Variants in LDLRAD3 observed in about 807,000 individuals in gnomAD.
LDLRAD3 encodes low density lipoprotein receptor class A domain containing 3, also known as low-density lipoprotein receptor class A domain-containing protein 3.
In LDLRAD3, 20 loss-of-function variants were observed where a neutral mutation model predicts 29.4. The observed-to-expected ratio is 0.68, with a 90% CI of 0.48 to 0.99. The LOEUF is 0.99. LDLRAD3 is among the 50% of genes least tolerant of loss of function. The pLI, the probability that LDLRAD3 is intolerant of heterozygous loss-of-function variation, is 0.00. For synonymous variants in LDLRAD3, 157 were observed against 192.7 expected, an observed-to-expected ratio of 0.81 and a Z score of 1.53; for missense variants, 420 against 454.3, an observed-to-expected ratio of 0.92 and a Z score of 0.69.
intron 2 of LDLRAD3, among the ~76,000 whole-genome samples, chr11:36,066,957 A>G (rs1303782968): frequency 6.6e-6 from 1 of 152,234 alleles, no homozygotes; most frequent in East Asian, 1.9e-4. Context: ...TCGCTCCCAG[A>G]CGCATCTCCT....
chr11:36,149,498 C>T (rs764518001), intron 4 of LDLRAD3, among the ~76,000 whole-genome samples: 3 of 152,148 alleles, frequency 2.0e-5, no homozygotes, highest in Non-Finnish European at 2.9e-5. Context: ...CAAGAAGCAC[C>T]GTCTGTGTCT....
intron 1 of LDLRAD3, among the ~76,000 whole-genome samples, chr11:36,009,182 C>A (rs1410117303): frequency 6.6e-6 from 1 of 152,206 alleles, no homozygotes; most frequent in Non-Finnish European, 1.5e-5. Flanking sequence ...ATATCTGTGG[C>A]TACTTCTACC....
chr11:35,984,169 C>G (rs988104392), intron 1 of LDLRAD3, among the ~76,000 whole-genome samples: 1 of 152,164 alleles, frequency 6.6e-6, no homozygotes, highest in Admixed American at 6.5e-5. Flanking sequence ...GGCCCTCACA[C>G]TACTAATTGC....
chr11:35,995,971 G>T (rs74822989), intron 1 of LDLRAD3, among the ~76,000 whole-genome samples: 1 of 152,182 alleles, frequency 6.6e-6, no homozygotes, highest in South Asian at 2.1e-4. Flanking sequence ...TCTCCAGACC[G>T]CTAAAACTTC....
At chr11:36,196,037 A>T (rs967045419) in intron 4 of LDLRAD3, among the ~76,000 whole-genome samples, 1 of 151,838 alleles carries the variant, frequency 6.6e-6, no homozygotes, top group Non-Finnish European at 1.5e-5. Flanking sequence ...GACAAAAAAA[A>T]AAAAAAGCAT....
intron 3 of LDLRAD3, among the ~76,000 whole-genome samples, chr11:36,082,162 C>A (rs1406200920): frequency 6.6e-6 from 1 of 152,202 alleles, no homozygotes; most frequent in Non-Finnish European, 1.5e-5. Flanking sequence ...CTGACTGATA[C>A]AACACTTAAT....
intron 4 of LDLRAD3, among the ~76,000 whole-genome samples, chr11:36,182,901 C>A (rs1049438550): frequency 6.6e-6 from 1 of 152,172 alleles, no homozygotes; most frequent in African/African-American, 2.4e-5. Flanking sequence ...TAAACACATG[C>A]AGAGCCTGAT....
intron 1 of LDLRAD3, among the ~76,000 whole-genome samples, chr11:35,945,878 A>G (rs912964434): frequency 2.0e-5 from 3 of 152,162 alleles, no homozygotes; most frequent in Admixed American, 2.0e-4. Flanking sequence ...GTGTGTGTGT[A>G]CATCTGAGAT....
intron 1 of LDLRAD3, among the ~76,000 whole-genome samples, chr11:35,945,343 C>T (rs149973238): frequency 6.6e-6 from 1 of 152,336 alleles, no homozygotes; most frequent in African/African-American, 2.4e-5. Context: ...TGGTCCTGGG[C>T]ATCCTCACAG....
intron 2 of LDLRAD3, among the ~76,000 whole-genome samples, chr11:36,056,294 A>G (rs995853888): frequency 6.6e-6 from 1 of 152,112 alleles, no homozygotes; most frequent in African/African-American, 2.4e-5. Flanking sequence ...CACCTGGCTG[A>G]CAGCCTGCCT....
chr11:36,087,373 T>C (rs1846623723), intron 3 of LDLRAD3, among the ~76,000 whole-genome samples: 1 of 152,214 alleles, frequency 6.6e-6, no homozygotes, highest in Admixed American at 6.5e-5. Flanking sequence ...TTTAGAAATA[T>C]AGTGAAGTAT....
chr11:35,981,036 G>T (rs925235887), intron 1 of LDLRAD3, among the ~76,000 whole-genome samples: 3 of 152,094 alleles, frequency 2.0e-5, no homozygotes, highest in Non-Finnish European at 4.4e-5. Flanking sequence ...TTTTCAGATT[G>T]GTTGGGGGAA....
At chr11:36,107,514 G>A (rs1853545893) in intron 4 of LDLRAD3, among the ~76,000 whole-genome samples, 1 of 152,134 alleles carries the variant, frequency 6.6e-6, no homozygotes, top group Non-Finnish European at 1.5e-5. Context: ...TAGTTTAACA[G>A]GTATAGTCAT....
intron 3 of LDLRAD3, among the ~76,000 whole-genome samples, chr11:36,088,640 A>G (rs1317559719): frequency 2.6e-5 from 4 of 152,214 alleles, no homozygotes; most frequent in Admixed American, 6.5e-5. Flanking sequence ...CTCTCAGCCA[A>G]TTCATCAGTT....
chr11:36,208,730 T>C (rs1219827375), intron 4 of LDLRAD3, among the ~76,000 whole-genome samples: 3 of 150,908 alleles, frequency 2.0e-5, no homozygotes, highest in Non-Finnish European at 4.4e-5. Flanking sequence ...TATAGAAAAA[T>C]TGTAATTATT....
rs1855555397 is a variant in LDLRAD3, at chr11:36,230,026, T to C, written c.*629T>C. On this transcript the variant is annotated 3_prime_UTR_variant, in exon 6 of 6. Coordinates refer to ENST00000315571, the MANE Select transcript of LDLRAD3 (RefSeq NM_174902.4). ...TGAAGGACTCTGAAACCATCTACCC[T>C]GTATAAATTCTGGCTTTAGAAATTT... 1 of 152,274 alleles carries C rather than the reference T, an allele frequency of 6.6e-6. No individual in the cohort carries two copies. Among genetic ancestry groups the C allele is most frequent in the Non-Finnish European group, 1.5e-5 (1 of 68,066 alleles). The allele number at this position is 152,274 out of a possible 1,614,324, so 9.4% of individuals were successfully genotyped here. A position where few individuals can be genotyped will look rare whatever the true frequency, so the allele number is the denominator to read the frequency against.
chr11:36,196,302 GAGAGAGAA>G (rs1440333704), intron 4 of LDLRAD3: 1 of 152,178 alleles, frequency 6.6e-6, no homozygotes, highest in African/African-American at 2.4e-5. Flanking sequence ...ACTAGAAGGT[GAGAGAGAA>G]AGAGAGAAAG....
At chr11:35,967,681 T>C (rs537670039) in intron 1 of LDLRAD3, 3 of 469,670 alleles carry the variant, frequency 6.4e-6, no homozygotes, top group South Asian at 4.8e-5. Flanking sequence ...TTTTACAAGG[T>C]TTCATGTCCG....
At chr11:35,961,687 C>G (rs537495469) in intron 1 of LDLRAD3, among the ~76,000 whole-genome samples, 7 of 152,248 alleles carry the variant, frequency 4.6e-5, no homozygotes, top group African/African-American at 1.7e-4. Flanking sequence ...TTGGTTTGTA[C>G]AGCAGGCTAT....
Sources: gnomAD v4.1 joint callset for allele counts (sites outside exome capture counted in the v4.1 genomes callset) on GRCh38, gnomAD v4.1.1 for gene constraint, MANE v1.5 for transcripts, NCBI Gene and HGNC (gene_info 2026-07-23, HGNC 2026-07-21) for gene names.